Variants in EPHA5 observed in about 807,000 individuals in gnomAD.
EPHA5 encodes the protein EPH receptor A5, also known as ephrin type-A receptor 5.
In EPHA5, 60 loss-of-function variants were observed where a neutral mutation model predicts 105.0. That is an observed-to-expected ratio of 0.57 (90% CI 0.46 to 0.71). EPHA5 has a LOEUF of 0.71. EPHA5 is among the 30% of genes least tolerant of loss of function. EPHA5 has a pLI of 0.00. For missense variants in EPHA5, 1,218 were observed against 1,274.7 expected, an observed-to-expected ratio of 0.96 and a Z score of 0.68; for synonymous variants, 513 against 449.1, an observed-to-expected ratio of 1.14 and a Z score of -1.80.
chr4:65,469,046 T>C (rs1729037403), intron 5 of EPHA5, among the ~76,000 whole-genome samples: 2 of 152,040 alleles, frequency 1.3e-5, no homozygotes, highest in Admixed American at 6.6e-5. Context: ...TCTAGGACTT[T>C]TAGCTGATGA....
At chr4:65,568,073 A>T (rs1739741997) in intron 3 of EPHA5, among the ~76,000 whole-genome samples, 4 of 151,688 alleles carry the variant, frequency 2.6e-5, no homozygotes, top group Middle Eastern at 3.4e-3. Context: ...ACTTCATGTA[A>T]AGGCTCTCTC....
chr4:65,371,527 A>G (rs1366702010), intron 8 of EPHA5, among the ~76,000 whole-genome samples: 1 of 152,106 alleles, frequency 6.6e-6, no homozygotes, highest in African/African-American at 2.4e-5. Flanking sequence ...TAATACATGA[A>G]ATAAAAAATA....
At chr4:65,488,365 C>T (rs1308029633) in intron 5 of EPHA5, among the ~76,000 whole-genome samples, 2 of 152,044 alleles carry the variant, frequency 1.3e-5, no homozygotes, top group Non-Finnish European at 1.5e-5. Context: ...GGTGATTGTT[C>T]GATATGCTTA....
At chr4:65,374,003 AAC>A (rs1390580364) in intron 8 of EPHA5, among the ~76,000 whole-genome samples, 2 of 151,988 alleles carry the variant, frequency 1.3e-5, no homozygotes, top group African/African-American at 4.8e-5. Context: ...TGTAAGCACA[AAC>A]ACAGATGAAT....
chr4:65,348,690 A>G (rs1722474025), intron 13 of EPHA5, among the ~76,000 whole-genome samples: 5 of 53,520 alleles, frequency 9.3e-5, no homozygotes, highest in African/African-American at 2.5e-4. Flanking sequence ...ATATATATAT[A>G]TATATATAAA....
chr4:65,556,243 C>G (rs567514059), intron 3 of EPHA5, among the ~76,000 whole-genome samples: 2 of 152,188 alleles, frequency 1.3e-5, no homozygotes, highest in East Asian at 1.9e-4. Flanking sequence ...AATGGTACAG[C>G]CTCAAGAGAC....
chr4:65,367,250 A>C (rs1443566522), intron 9 of EPHA5, 107 bp downstream of exon 9: 13 of 905,848 alleles, frequency 1.4e-5, no homozygotes, highest in South Asian at 1.1e-4. Flanking sequence ...AAAAAAAAAA[A>C]CAATATTTTG....
intron 16 of EPHA5, among the ~76,000 whole-genome samples, chr4:65,328,987 A>G (rs1223588569): frequency 6.6e-6 from 1 of 151,272 alleles, no homozygotes; most frequent in Non-Finnish European, 1.5e-5. Flanking sequence ...CAGCTGACAC[A>G]CAATTGGTAT....
At chr4:65,635,205 A>G (rs1333860946) in intron 2 of EPHA5, among the ~76,000 whole-genome samples, 11 of 151,842 alleles carry the variant, frequency 7.2e-5, no homozygotes, top group African/African-American at 2.4e-4. Flanking sequence ...AAAGCCATAA[A>G]CTCCTGTTTT....
At chr4:65,613,456 G>T (rs1307330143) in intron 2 of EPHA5, among the ~76,000 whole-genome samples, 1 of 151,972 alleles carries the variant, frequency 6.6e-6, no homozygotes, top group Non-Finnish European at 1.5e-5. Context: ...TCTGCAGATT[G>T]CTTTGGGCAG....
chr4:65,469,104 A>G (rs1366275524), intron 5 of EPHA5, among the ~76,000 whole-genome samples: 1 of 152,090 alleles, frequency 6.6e-6, no homozygotes, highest in Non-Finnish European at 1.5e-5. Flanking sequence ...TGGTATGCAT[A>G]TGTGAAGTCT....
intron 5 of EPHA5, among the ~76,000 whole-genome samples, chr4:65,439,772 T>G (rs761580433): frequency 8.1e-4 from 123 of 152,280 alleles, no homozygotes; most frequent in Middle Eastern, 3.4e-3. Context: ...ACAATGTACC[T>G]GTATTTCTTC....
At chr4:65,616,412 G>A (rs1366468348) in intron 2 of EPHA5, among the ~76,000 whole-genome samples, 6 of 144,938 alleles carry the variant, frequency 4.1e-5, no homozygotes, top group Non-Finnish European at 9.1e-5. Context: ...ATGATGAATT[G>A]TACAGACTTA....
intron 3 of EPHA5, among the ~76,000 whole-genome samples, chr4:65,583,003 T>G (rs1741784285): frequency 1.3e-5 from 2 of 151,644 alleles, no homozygotes; most frequent in African/African-American, 4.8e-5. Flanking sequence ...GATTTTTTTG[T>G]TTTTAATCTA....
chr4:65,567,407 G>A (rs796920410), intron 3 of EPHA5, among the ~76,000 whole-genome samples: 11 of 151,604 alleles, frequency 7.3e-5, no homozygotes, highest in African/African-American at 2.2e-4. Flanking sequence ...ATGTACTGGT[G>A]ACATATTGGT....
intron 8 of EPHA5, among the ~76,000 whole-genome samples, chr4:65,373,650 A>G (rs1718708472): frequency 6.6e-6 from 1 of 151,982 alleles, no homozygotes; most frequent in Non-Finnish European, 1.5e-5. Flanking sequence ...TATGAGATAC[A>G]CTAGACTTCA....
chr4:65,465,470 A>G (rs1431415403), intron 5 of EPHA5, among the ~76,000 whole-genome samples: 758 of 68,788 alleles, frequency 0.011, 12 homozygotes, highest in African/African-American at 0.024. Flanking sequence ...AGAAAGAAAA[A>G]GAAAGAAAGA....
rs116376951 is a variant in EPHA5 at position 65,339,596 on chromosome 4, A to G, written c.2596-3471T>C. On this transcript the variant is annotated intron_variant, in intron 14 of 16. Transcript: ENST00000613740. The stretch of plus-strand genomic sequence containing the variant: ...TCTAATAATGACCCAAAACACCTCT[A>G]TTATTAAACACTGAAATAAATGTGA... 4.0e-3 allele frequency among the ~76,000 whole-genome samples: 613 copies of G among 152,272 alleles called. 5 individuals are homozygous for G. Among genetic ancestry groups the G allele is most frequent in the African/African-American group, 0.014 (585 of 41,564 alleles).
chr4:65,576,088 GAAAAGAAAAGAAAAGAAAAGAAAAGAA>G (rs1310847211), intron 3 of EPHA5, among the ~76,000 whole-genome samples: 6 of 61,472 alleles, frequency 9.8e-5, no homozygotes, highest in South Asian at 6.1e-4. Flanking sequence ...GAAAAGAAAA[GAAAAGAAAAGAAAAGAAAAGAAAAGAA>G]AAAAGAAAAG....
Sources: allele counts gnomAD v4.1 joint callset (sites outside exome capture counted in the v4.1 genomes callset), GRCh38; gene constraint gnomAD v4.1.1; transcripts MANE v1.5; gene names NCBI Gene and HGNC (gene_info 2026-07-23, HGNC 2026-07-21).